Variants in PCNX1 observed in about 807,000 individuals in gnomAD.
PCNX1 encodes pecanex-like protein 1.
A neutral mutation model predicts 242.2 loss-of-function variants in PCNX1; 78 were observed. That is an observed-to-expected ratio of 0.32 (90% CI 0.27 to 0.39). PCNX1 has a LOEUF of 0.39. Ranked by LOEUF, PCNX1 falls within the 10% of genes least tolerant of loss-of-function variation. The pLI, the probability that PCNX1 is intolerant of heterozygous loss-of-function variation, is 1.00. For synonymous variants in PCNX1, 1,024 were observed against 1,032.9 expected (o/e 0.99, Z 0.17); for missense variants, 2,581 against 2,856.5 (o/e 0.90, Z 2.20).
At chr14:70,937,823 A>G (rs1234026022) in intron 1 of PCNX1, among the ~76,000 whole-genome samples, 2 of 152,108 alleles carry the variant, frequency 1.3e-5, no homozygotes, top group African/African-American at 4.8e-5. Flanking sequence ...GCAGTGGTTT[A>G]TAGTTCTCCT....
At chr14:70,934,735 T>C (rs2056933889) in intron 1 of PCNX1, among the ~76,000 whole-genome samples, 1 of 152,228 alleles carries the variant, frequency 6.6e-6, no homozygotes. Flanking sequence ...GTCAGATTTA[T>C]AGAAACACAA....
intron 26 of PCNX1, among the ~76,000 whole-genome samples, chr14:71,070,196 C>A (rs796568755): frequency 3.3e-5 from 5 of 152,314 alleles, no homozygotes; most frequent in African/African-American, 1.2e-4. Flanking sequence ...GATTTCACTT[C>A]TAATTCTGCT....
chr14:70,934,869 A>G (rs2056938820), intron 1 of PCNX1, among the ~76,000 whole-genome samples: 1 of 152,214 alleles, frequency 6.6e-6, no homozygotes, highest in Non-Finnish European at 1.5e-5. Flanking sequence ...TCACAATTAC[A>G]GGAAGGGTTT....
At chr14:71,027,943 A>G (rs2060281336) in intron 15 of PCNX1, among the ~76,000 whole-genome samples, 1 of 151,896 alleles carries the variant, frequency 6.6e-6, no homozygotes, top group African/African-American at 2.4e-5. Context: ...TCATACTATA[A>G]TTTACAAACT....
At chr14:71,098,552 G>GA in intron 30 of PCNX1, among the ~76,000 whole-genome samples, 1 of 134,416 alleles carries the variant, frequency 7.4e-6, no homozygotes, top group Admixed American at 7.2e-5. Flanking sequence ...GTGTGTGTGT[G>GA]TGAGAGAGAG....
chr14:70,923,790 T>C (rs563365882), intron 1 of PCNX1, among the ~76,000 whole-genome samples: 151 of 151,456 alleles, frequency 1.0e-3, no homozygotes, highest in Non-Finnish European at 1.7e-3. Context: ...GCTGACAGAT[T>C]TTTTTTTTAA....
intron 16 of PCNX1, among the ~76,000 whole-genome samples, chr14:71,029,092 A>G (rs2060313452): frequency 6.6e-6 from 1 of 152,154 alleles, no homozygotes; most frequent in Non-Finnish European, 1.5e-5. Context: ...CAGAATATGA[A>G]ATCAATTTTA....
chr14:70,930,606 A>G (rs1360425992), intron 1 of PCNX1, among the ~76,000 whole-genome samples: 2 of 152,110 alleles, frequency 1.3e-5, no homozygotes, highest in Non-Finnish European at 2.9e-5. Context: ...ATTTATATTA[A>G]AATATTTATG....
At chr14:71,048,039 A>T in intron 22 of PCNX1, 55 bp downstream of exon 22, 1 of 1,276,140 alleles carries the variant, frequency 7.8e-7, no homozygotes. Flanking sequence ...TCCCTGGGTT[A>T]TATGCTAGTC....
chr14:70,993,321 G>T (rs933361259), intron 7 of PCNX1, among the ~76,000 whole-genome samples: 4 of 151,686 alleles, frequency 2.6e-5, no homozygotes, highest in Admixed American at 1.3e-4. Flanking sequence ...TAGAGACGGG[G>T]TTTCACCGTG....
At chr14:71,104,194 T>A (rs1288081667) in intron 32 of PCNX1, among the ~76,000 whole-genome samples, 1 of 152,244 alleles carries the variant, frequency 6.6e-6, no homozygotes, top group Non-Finnish European at 1.5e-5. Context: ...TTTTTCTCTG[T>A]CTTTTGTCTA....
At chr14:71,054,371 T>A (rs553642144) in intron 24 of PCNX1, among the ~76,000 whole-genome samples, 9 of 152,346 alleles carry the variant, frequency 5.9e-5, no homozygotes, top group African/African-American at 2.2e-4. Flanking sequence ...CATTTTATTA[T>A]GTAGTGAATT....
chr14:70,941,497 G>A (rs891978725), intron 1 of PCNX1, among the ~76,000 whole-genome samples: 3 of 152,140 alleles, frequency 2.0e-5, no homozygotes, highest in East Asian at 1.9e-4. Context: ...TGGAAGCTTC[G>A]TCTCAGAGGG....
At chr14:70,909,553 T>C (rs2055730530) in intron 1 of PCNX1, among the ~76,000 whole-genome samples, 1 of 152,212 alleles carries the variant, frequency 6.6e-6, no homozygotes, top group South Asian at 2.1e-4. Context: ...AAAATGATTT[T>C]TGAGAGGTAA....
chr14:70,934,429 A>C (rs1298973628), intron 1 of PCNX1, among the ~76,000 whole-genome samples: 1 of 152,162 alleles, frequency 6.6e-6, no homozygotes, highest in East Asian at 1.9e-4. Context: ...ATAATATAAA[A>C]TTTATTATCT....
At position 71,110,123 on chromosome 14, in the gene PCNX1, C is replaced by A. The variant is rs940408068; in HGVS notation, c.*188C>A. The A allele has an allele frequency of 5.0e-5, 33 of 654,672 alleles. No homozygotes were observed. Among genetic ancestry groups the A allele is most frequent in the Middle Eastern group, 3.7e-4 (1 of 2,732 alleles). 40.6% of individuals were successfully genotyped at this position (654,672 alleles called of 1,614,324 possible). On this transcript the variant is annotated 3_prime_UTR_variant, in exon 36 of 36. Transcript: ENST00000304743. ...CCTGACTCCTGTCACTGTCTCCATC[C>A]CCAAATAAAGCTGAAATATTTTTTT... is the stretch of plus-strand genomic sequence containing the variant.
chr14:70,976,981 A>G lies in PCNX1; in HGVS notation c.644A>G (p.Asn215Ser), dbSNP rs1337197628. 1 of 1,613,946 alleles carries G rather than the reference A, an allele frequency of 6.2e-7. No individual in the cohort carries two copies. The change falls in exon 6 of 36, where the codon AAT (asparagine) becomes AGT (serine). Residue 215 changes from asparagine (N) to serine (S), a missense_variant. Transcript: ENST00000304743. ...ADRKLFRLVS[N>S]DSFISIQPSL... ...CGGAAGCTCTTTCGTCTTGTCTCCA[A>G]TGACTCCTTCATCTCTATTCAGCCT...
At chr14:70,990,402 A>T (rs1460641659) in intron 7 of PCNX1, among the ~76,000 whole-genome samples, 1 of 101,014 alleles carries the variant, frequency 9.9e-6, no homozygotes, top group Admixed American at 1.1e-4. Flanking sequence ...TACTAAAAAT[A>T]AAAAAAAAAA....
At chr14:71,036,031 G>C (rs1244117869) in intron 18 of PCNX1, 34 bp from the exon 19 acceptor site, 1 of 1,357,134 alleles carries the variant, frequency 7.4e-7, no homozygotes, top group East Asian at 2.3e-5. Context: ...AAAATTTTAT[G>C]TAATTGTTTA....
Sources: allele counts gnomAD v4.1 joint callset (sites outside exome capture counted in the v4.1 genomes callset), GRCh38; gene constraint gnomAD v4.1.1; transcripts MANE v1.5; gene names NCBI Gene and HGNC (gene_info 2026-07-23, HGNC 2026-07-21).